The following RBM17 variants were observed in gnomAD, a reference collection of about 807,000 sequenced individuals.
RBM17 encodes the protein splicing factor 45.
In RBM17, 7 loss-of-function variants were observed where a neutral mutation model predicts 53.2. That is an observed-to-expected ratio of 0.13 (90% confidence interval 0.07 to 0.25). The LOEUF (loss-of-function observed/expected upper bound fraction) is 0.25, where lower values mean the gene tolerates loss of function less well. Ranked by LOEUF, RBM17 falls within the 10% of genes least tolerant of loss-of-function variation. RBM17 has a pLI of 1.00. For synonymous variants in RBM17, 167 were observed against 178.1 expected (o/e 0.94, Z 0.50); for missense variants, 257 against 496.7 (o/e 0.52, Z 4.59).
intron 5 of RBM17, 50 bp from the exon 6 acceptor site, chr10:6,108,636 G>A: frequency 6.8e-7 from 1 of 1,471,774 alleles, no homozygotes. Flanking sequence ...AGTCGTTTGG[G>A]AGTCTGGCAT....
Position 6,115,818 on chromosome 10 carries a change from TG to T in RBM17, c.*263del. 1 of 296,180 alleles carries T rather than the reference TG, an allele frequency of 3.4e-6. No homozygotes were observed. The highest frequency in any genetic ancestry group is 2.2e-5 in the African/African-American group (1 of 46,356). 18.3% of individuals were successfully genotyped at this position (296,180 alleles called of 1,614,324 possible). A position where few individuals can be genotyped will look rare whatever the true frequency, so the allele number is the denominator to read the frequency against. ...TTACTCCTGAGTTGATGACATTTTT[TG>T]TTAGATTTCATGGTAATTCTCAAGT... On this transcript the variant is annotated 3_prime_UTR_variant, in exon 12 of 12. Coordinates refer to ENST00000379888, the MANE Select transcript of RBM17 (RefSeq NM_032905.5).
intron 1 of RBM17, among the ~76,000 whole-genome samples, chr10:6,095,503 C>T (rs1408106210): frequency 1.3e-5 from 2 of 152,126 alleles, no homozygotes; most frequent in Admixed American, 6.5e-5. Context: ...CGTGAGCCAC[C>T]GTGCCTGACC....
intron 7 of RBM17, among the ~76,000 whole-genome samples, chr10:6,111,228 C>G (rs1840831953): frequency 6.6e-6 from 1 of 152,246 alleles, no homozygotes. Context: ...GGGTGCCCTT[C>G]AGACCCATGC....
chr10:6,097,352 C>T (rs551172278), intron 2 of RBM17, among the ~76,000 whole-genome samples, 164 bp downstream of exon 2: 1 of 152,216 alleles, frequency 6.6e-6, no homozygotes, highest in East Asian at 1.9e-4. Context: ...CACTTTGCTA[C>T]TCCTGGCTCC....
chr10:6,096,125 G>T (rs952540466), intron 1 of RBM17, among the ~76,000 whole-genome samples: 2 of 152,166 alleles, frequency 1.3e-5, no homozygotes, highest in African/African-American at 4.8e-5. Flanking sequence ...TTCTGTCTGT[G>T]AGATTGATTT....
intron 1 of RBM17, among the ~76,000 whole-genome samples, chr10:6,090,539 T>C (rs1840466548): frequency 6.6e-6 from 1 of 152,308 alleles, no homozygotes; most frequent in East Asian, 1.9e-4. Flanking sequence ...CTTGAGAGAA[T>C]TGTTGTACAC....
intron 3 of RBM17, among the ~76,000 whole-genome samples, 193 bp from the exon 4 acceptor site, chr10:6,104,738 T>G (rs963077842): frequency 6.6e-6 from 1 of 152,216 alleles, no homozygotes. Flanking sequence ...GGTGAAATTT[T>G]GTGTCCTGTT....
intron 1 of RBM17, among the ~76,000 whole-genome samples, chr10:6,096,128 A>G (rs1165083433): frequency 6.6e-6 from 1 of 152,110 alleles, no homozygotes; most frequent in African/African-American, 2.4e-5. Context: ...TGTCTGTGAG[A>G]TTGATTTCTT....
At position 6,116,698 on chromosome 10, in the gene RBM17, A is replaced by G. The variant is rs1454312547; in HGVS notation, c.*1142A>G. ...TGCTGTCTCCTTTGGTTATTATGAC[A>G]TGAAAGTGTATCAAGAACTCAGCAT... is the stretch of plus-strand genomic sequence containing the variant. On this transcript the variant is annotated 3_prime_UTR_variant, in exon 12 of 12. Coordinates refer to ENST00000379888, the MANE Select transcript of RBM17 (RefSeq NM_032905.5). 1 of 152,374 alleles carries G rather than the reference A, an allele frequency of 6.6e-6. No homozygotes were observed. Among genetic ancestry groups the G allele is most frequent in the East Asian group, 1.9e-4 (1 of 5,342 alleles). The allele number at this position is 152,374 out of a possible 1,614,324, so 9.4% of individuals were successfully genotyped here. A position where few individuals can be genotyped will look rare whatever the true frequency, so the allele number is the denominator to read the frequency against.
Position 6,110,042 on chromosome 10 carries a change from G to A in RBM17, c.619G>A (p.Ala207Thr). The change falls in exon 7 of 12, where the codon GCA (alanine) becomes ACA (threonine). Residue 207 changes from alanine to threonine, a missense_variant. By Grantham distance (58) the Ala-to-Thr change is moderately conservative (BLOSUM62 0). Transcript: ENST00000379888. ...AAGACCTCGATCACAGTCTTCCAAA[G>A]CAGCCATTCCTCCCCCAGTGTACGA... is the stretch of plus-strand genomic sequence containing the variant. ...DSRPRSQSSK[A>T]AIPPPVYEEQ... 6.2e-7 allele frequency: 1 copy of A among 1,613,300 alleles called. No individual in the cohort carries two copies. The highest frequency in any genetic ancestry group is 8.5e-7 in the Non-Finnish European group (1 of 1,179,478).
chr10:6,114,468 G>A, intron 10 of RBM17: 1 of 295,740 alleles, frequency 3.4e-6, no homozygotes, highest in Non-Finnish European at 6.6e-6. Flanking sequence ...AGTATTTAGT[G>A]CCTCTCACAT....
intron 9 of RBM17, 176 bp from the exon 10 acceptor site, chr10:6,113,873 A>G: frequency 3.3e-6 from 2 of 597,884 alleles, no homozygotes; most frequent in South Asian, 4.2e-5. Flanking sequence ...TACAGGCTTA[A>G]TATATGTTTT....
intron 1 of RBM17, among the ~76,000 whole-genome samples, chr10:6,090,415 G>A (rs1335713501): frequency 1.3e-5 from 2 of 152,186 alleles, no homozygotes; most frequent in African/African-American, 2.4e-5. Context: ...CTAAACGAGA[G>A]GGCTTTATTT....
At chr10:6,110,176 G>A (rs370985219) in intron 7 of RBM17, 49 bp downstream of exon 7, 15 of 1,514,400 alleles carry the variant, frequency 9.9e-6, no homozygotes, top group South Asian at 3.9e-5. Flanking sequence ...AGTGTGAAGC[G>A]TTGATAGCCC....
At chr10:6,098,555 GGTTTTTTGTTT>G (rs1840613306) in intron 2 of RBM17, among the ~76,000 whole-genome samples, 1 of 70,080 alleles carries the variant, frequency 1.4e-5, no homozygotes. Context: ...GTAATACACA[GGTTTTTTGTTT>G]TTTTTTTTTT....
At chr10:6,108,870 G>GAGAA (rs374639329) in intron 6 of RBM17, 128 bp downstream of exon 6, 5 of 49,910 alleles carry the variant, frequency 1.0e-4, no homozygotes, top group South Asian at 2.1e-4. Flanking sequence ...GCCTGGCTCT[G>GAGAA]TCACCTGAGG....
chr10:6,093,501 G>A (rs1367014849), intron 1 of RBM17, among the ~76,000 whole-genome samples: 1 of 152,194 alleles, frequency 6.6e-6, no homozygotes, highest in Non-Finnish European at 1.5e-5. Context: ...TTACAGGCAT[G>A]AGCCACCGCA....
chr10:6,098,268 G>T (rs1840607947), intron 2 of RBM17, among the ~76,000 whole-genome samples: 1 of 152,152 alleles, frequency 6.6e-6, no homozygotes, highest in South Asian at 2.1e-4. Context: ...TGTATCTGTG[G>T]TGTGAAAATT....
At chr10:6,106,520 A>T in intron 5 of RBM17, 1 of 280,526 alleles carries the variant, frequency 3.6e-6, no homozygotes, top group Non-Finnish European at 6.9e-6. Context: ...CCTGCAGCAC[A>T]GTCCAGTTGG....
Sources: allele counts gnomAD v4.1 joint callset (sites outside exome capture counted in the v4.1 genomes callset), GRCh38; gene constraint gnomAD v4.1.1; transcripts MANE v1.5; gene names NCBI Gene and HGNC (gene_info 2026-07-23, HGNC 2026-07-21).